TRAF3: variants seen among roughly 807,000 people sequenced by gnomAD.
The protein encoded by TRAF3 is TNF receptor associated factor 3.
In TRAF3, 13 loss-of-function variants were observed where a neutral mutation model predicts 62.3. That is an observed-to-expected ratio of 0.21 (90% CI 0.14 to 0.33). The LOEUF (loss-of-function observed/expected upper bound fraction) is 0.33, where lower values mean the gene tolerates loss of function less well. Among genes scored for constraint, TRAF3 ranks in the 10% least tolerant of loss-of-function variants. The pLI, the probability that TRAF3 is intolerant of heterozygous loss-of-function variation, is 1.00. For synonymous variants in TRAF3, 269 were observed against 283.4 expected (o/e 0.95, Z 0.51); for missense variants, 440 against 741.8 (o/e 0.59, Z 4.73).
At chr14:102,875,404 A>T (rs1177360891) in intron 4 of TRAF3, among the ~76,000 whole-genome samples, 3 of 152,228 alleles carry the variant, frequency 2.0e-5, no homozygotes, top group Non-Finnish European at 4.4e-5. Flanking sequence ...GGCTTAACTA[A>T]TAAAAGATAA....
rs1241394722 is a variant in TRAF3 at position 102,897,310 on chromosome 14, G to A, written c.869G>A (p.Ser290Asn). 1 of 1,613,864 alleles carries A rather than the reference G, an allele frequency of 6.2e-7. No homozygotes were observed. The highest frequency in any genetic ancestry group is 8.5e-7 in the Non-Finnish European group (1 of 1,179,908). ...ESVEKNKSIQSLHNQICSFEI... is the reference protein window; with the variant it reads ...ESVEKNKSIQNLHNQICSFEI... Reference sequence around the variant, plus strand: ...GTAGAAAAAAACAAGAGCATACAAAGTTTGCACAATCAGATATGTAGCTTT... The same window carrying A: ...GTAGAAAAAAACAAGAGCATACAAAATTTGCACAATCAGATATGTAGCTTT... The change falls in exon 10 of 12, where the codon AGT becomes AAT. Residue 290 changes from serine to asparagine, a missense_variant. By Grantham distance (46) the Ser-to-Asn change is conservative. Coordinates refer to ENST00000392745, the MANE Select transcript of TRAF3 (RefSeq NM_145725.3).
chr14:102,825,570 C>T (rs754915404), intron 1 of TRAF3, among the ~76,000 whole-genome samples: 25 of 152,252 alleles, frequency 1.6e-4, no homozygotes, highest in Non-Finnish European at 2.9e-4. Context: ...GACCTTCCCA[C>T]TGCTCGAGAT....
intron 6 of TRAF3, among the ~76,000 whole-genome samples, chr14:102,885,303 A>G (rs560167639): frequency 8.5e-5 from 13 of 152,280 alleles, no homozygotes; most frequent in African/African-American, 2.6e-4. Context: ...GAACAGCAAC[A>G]TAACTGGAGG....
intron 2 of TRAF3, among the ~76,000 whole-genome samples, chr14:102,835,677 C>A (rs142152300): frequency 5.3e-5 from 8 of 152,326 alleles, no homozygotes; most frequent in South Asian, 2.1e-4. Flanking sequence ...ACCGAATGTT[C>A]TCACTTATAA....
chr14:102,883,359 A>G (rs1251031739), intron 6 of TRAF3, among the ~76,000 whole-genome samples: 2 of 152,254 alleles, frequency 1.3e-5, no homozygotes, highest in Admixed American at 6.5e-5. Context: ...ACAAAATTCA[A>G]AAACAATCAG....
chr14:102,791,978 G>T (rs1897816260), intron 1 of TRAF3, among the ~76,000 whole-genome samples: 1 of 150,468 alleles, frequency 6.6e-6, no homozygotes, highest in Non-Finnish European at 1.5e-5. Context: ...ATGCCCTGCT[G>T]TTTTTTTTTA....
chr14:102,799,481 C>T (rs1168773843), intron 1 of TRAF3, among the ~76,000 whole-genome samples: 1 of 152,082 alleles, frequency 6.6e-6, no homozygotes, highest in Non-Finnish European at 1.5e-5. Context: ...GACGGAGTTT[C>T]ACTCTGTCGC....
intron 2 of TRAF3, among the ~76,000 whole-genome samples, chr14:102,854,802 T>A (rs1461623118): frequency 7.4e-3 from 148 of 19,902 alleles, no homozygotes; most frequent in Non-Finnish European, 0.01. Flanking sequence ...CACCTGGCTG[T>A]TTTTTTTTTT....
rs1279379676 is a variant in TRAF3, at chr14:102,816,898, G to C, written c.-156-13436G>C. ...ATCTAGCGCATGCAGACTCGACCCT[G>C]TGGGTCGAGCTTTGGTGAGAAGTGG... On this transcript the variant is annotated intron_variant, in intron 1 of 11. Transcript: ENST00000392745. Among the ~76,000 whole-genome samples, 3 of 152,238 alleles carry C rather than the reference G, an allele frequency of 2.0e-5. No homozygotes were observed. In the East Asian group the frequency reaches 5.8e-4, roughly 29 times the overall value.
intron 2 of TRAF3, among the ~76,000 whole-genome samples, chr14:102,840,318 A>G (rs142086453): frequency 1.3e-5 from 2 of 152,278 alleles, no homozygotes; most frequent in East Asian, 3.9e-4. Context: ...GGTAATACAG[A>G]TGGGTGGGCT....
intron 9 of TRAF3, among the ~76,000 whole-genome samples, chr14:102,896,025 G>C (rs1334451391): frequency 1.3e-5 from 2 of 152,042 alleles, no homozygotes; most frequent in Non-Finnish European, 2.9e-5. Context: ...GTGGCCCCTG[G>C]GTGGATGTGA....
intron 2 of TRAF3, among the ~76,000 whole-genome samples, chr14:102,850,491 G>T (rs1482465112): frequency 6.6e-6 from 1 of 152,012 alleles, no homozygotes; most frequent in African/African-American, 2.4e-5. Context: ...GAGGTCAGGA[G>T]TTCAATACCA....
intron 10 of TRAF3, among the ~76,000 whole-genome samples, chr14:102,900,458 G>A (rs1462828036): frequency 2.0e-5 from 3 of 152,192 alleles, no homozygotes; most frequent in Admixed American, 6.5e-5. Context: ...CAAAGATTGC[G>A]CCATTGCACT....
At chr14:102,894,622 G>A (rs1335479047) in intron 9 of TRAF3, among the ~76,000 whole-genome samples, 2 of 152,182 alleles carry the variant, frequency 1.3e-5, no homozygotes, top group Admixed American at 6.5e-5. Flanking sequence ...TGGATTCTTC[G>A]ATTAAATAAA....
At chr14:102,821,424 C>T (rs560692441) in intron 1 of TRAF3, among the ~76,000 whole-genome samples, 68 of 152,268 alleles carry the variant, frequency 4.5e-4, no homozygotes, top group African/African-American at 1.5e-3. Context: ...CCCTTCAAGA[C>T]GCATTTTGGG....
intron 1 of TRAF3, among the ~76,000 whole-genome samples, chr14:102,782,972 T>C (rs1343362582): frequency 6.6e-6 from 1 of 152,140 alleles, no homozygotes; most frequent in African/African-American, 2.4e-5. Flanking sequence ...CCAGGAGTCA[T>C]GAGAATTGTA....
chr14:102,845,416 T>C (rs1886640592), intron 2 of TRAF3, among the ~76,000 whole-genome samples: 1 of 151,928 alleles, frequency 6.6e-6, no homozygotes, highest in Non-Finnish European at 1.5e-5. Context: ...TTGGTCAGGC[T>C]GGTCTCGAAC....
At position 102,852,249 on chromosome 14, in the gene TRAF3, G is replaced by A. The variant is rs1887088287; in HGVS notation, c.-17-17936G>A. 2.6e-5 allele frequency among the ~76,000 whole-genome samples: 4 copies of A among 152,062 alleles called. No individual in the cohort carries two copies. In the South Asian group the frequency reaches 6.2e-4, roughly 24 times the overall value. ...TTCTGAGCAGGCACTACAGGCACAC[G>A]CTGCCATGCCCGACAACCACCACAG... On this transcript the variant is annotated intron_variant, in intron 2 of 11. Coordinates refer to ENST00000392745, the MANE Select transcript of TRAF3 (RefSeq NM_145725.3).
At chr14:102,886,704 C>T (rs1018140052) in intron 7 of TRAF3, among the ~76,000 whole-genome samples, 3 of 151,580 alleles carry the variant, frequency 2.0e-5, no homozygotes, top group South Asian at 2.1e-4. Context: ...TGAACAGAGC[C>T]GAGATCACAC....
Sources: gnomAD v4.1 joint callset for allele counts (sites outside exome capture counted in the v4.1 genomes callset) on GRCh38, gnomAD v4.1.1 for gene constraint, MANE v1.5 for transcripts, NCBI Gene and HGNC (gene_info 2026-07-23, HGNC 2026-07-21) for gene names.